MCM2: variants seen among roughly 807,000 people sequenced by gnomAD.
MCM2 encodes the protein minichromosome maintenance complex component 2.
A neutral mutation model predicts 86.4 loss-of-function variants in MCM2; 49 were observed. The observed-to-expected ratio is 0.57, with a 90% CI of 0.45 to 0.72. The LOEUF (loss-of-function observed/expected upper bound fraction) is 0.72, where lower values mean the gene tolerates loss of function less well. Among genes scored for constraint, MCM2 ranks in the 30% least tolerant of loss-of-function variants. MCM2 has a pLI of 0.00. For missense variants in MCM2, 1,038 were observed against 1,259.9 expected (o/e 0.82, Z 2.67); for synonymous variants, 475 against 484.6 (o/e 0.98, Z 0.26).
In MCM2 at chr3:127,599,430, C is replaced by G. The variant is rs1378187591; in HGVS notation, c.119C>G (p.Ser40Cys). Residue 40 changes from serine (S) to cysteine (C), a missense_variant, in exon 2 of 16, where the codon TCC (serine) becomes TGC (cysteine). Physicochemically the swap from Ser to Cys is moderately radical, Grantham distance 112 (BLOSUM62 -1). Around this residue, in one of 4 missense-constraint regions of MCM2, gnomAD observed 300 missense variants for 307.4 expected, o/e 0.98. Coordinates refer to ENST00000265056, the MANE Select transcript of MCM2 (RefSeq NM_004526.4). The part of the protein sequence containing the change: ...RSSRRTDALT[S>C]SPGRDLPPFE... ...TCCCGGCGTACTGATGCCCTCACCT[C>G]CAGCCCTGGCCGTGACCTTCCACCA... 1 of 1,614,206 alleles carries G rather than the reference C, an allele frequency of 6.2e-7. No individual in the cohort carries two copies. Among genetic ancestry groups the G allele is most frequent in the East Asian group, 2.2e-5 (1 of 44,886 alleles).
chr3:127,619,017 C>A lies in MCM2; in HGVS notation c.2014-10C>A. 6.3e-7 allele frequency: 1 copy of A among 1,577,750 alleles called. No homozygotes were observed. The highest frequency in any genetic ancestry group is 8.6e-7 in the Non-Finnish European group (1 of 1,157,994). On this transcript the variant is annotated splice_polypyrimidine_tract_variant and intron_variant, in intron 12 of 15. Transcript: ENST00000265056. ...CACAATCAGACCCACCCTCTCATGG[C>A]TTATCTTAGGACGAGATGCTGGCCC...
chr3:127,619,566 C>T (rs1366149281), intron 13 of MCM2, among the ~76,000 whole-genome samples: 1 of 152,176 alleles, frequency 6.6e-6, no homozygotes, highest in Non-Finnish European at 1.5e-5. Context: ...GTAATCCCAG[C>T]TTCTCAGGAG....
Position 127,617,799 on chromosome 3 carries a change from G to T in MCM2, c.1901-170G>T. The T allele has an allele frequency of 1.6e-6, 1 of 611,322 alleles. No homozygotes were observed. The highest frequency in any genetic ancestry group is 2.9e-6 in the Non-Finnish European group (1 of 344,454). 37.9% of individuals were successfully genotyped at this position (611,322 alleles called of 1,614,324 possible). ...TTCTGTCTAAATTAGGCTATTTTGG[G>T]CCCTGGTTAGGGTAAGCTCTTTGCT... On this transcript the variant is annotated intron_variant, in intron 11 of 15. Transcript: ENST00000265056. The surrounding 1 kb of genome is among the most constrained non-coding windows in gnomAD (Gnocchi z 4.1).
Position 127,606,027 on chromosome 3 carries a change from T to TG in MCM2, c.674-88dup. On this transcript the variant is annotated intron_variant, in intron 4 of 15. Coordinates refer to ENST00000265056, the MANE Select transcript of MCM2 (RefSeq NM_004526.4). This position sits in a 1 kb window ranked among gnomAD's most constrained non-coding sequence, Gnocchi z 4.2. Reference sequence around the variant, plus strand: ...TCTAGGTCAAAATCAATGGTCGGGGTGGGTAGGCCTTGCTTCTCACACAGG... The same window carrying TG: ...TCTAGGTCAAAATCAATGGTCGGGGTGGGGTAGGCCTTGCTTCTCACACAGG... 1.1e-6 allele frequency: 1 copy of TG among 907,866 alleles called. No homozygotes were observed. Among genetic ancestry groups the TG allele is most frequent in the Admixed American group, 2.0e-5 (1 of 50,354 alleles). The allele number at this position is 907,866 out of a possible 1,614,324, so 56.2% of individuals were successfully genotyped here. A position where few individuals can be genotyped will look rare whatever the true frequency, so the allele number is the denominator to read the frequency against.
intron 8 of MCM2, among the ~76,000 whole-genome samples, chr3:127,610,432 G>A (rs557912066): frequency 1.3e-5 from 2 of 152,286 alleles, no homozygotes; most frequent in African/African-American, 4.8e-5. Flanking sequence ...ATTTGTTTTG[G>A]TTGTTTCTCT....
In MCM2 at chr3:127,621,211, A is replaced by C; in HGVS notation, c.2587A>C (p.Lys863Gln). ...GCAGGACACTATTGAGGTCCCTGAG[A>C]AGGACTTGGTGGATAAGGTATGGGC... ...AQQDTIEVPE[K>Q]DLVDKARQIN... Residue 863 changes from lysine (K) to glutamine (Q), a missense_variant, in exon 15 of 16, where the codon AAG (lysine) becomes CAG (glutamine). Transcript: ENST00000265056. 6.2e-7 allele frequency: 1 copy of C among 1,614,148 alleles called. No individual in the cohort carries two copies. Among genetic ancestry groups the C allele is most frequent in the Non-Finnish European group, 8.5e-7 (1 of 1,180,026 alleles).
intron 2 of MCM2, among the ~76,000 whole-genome samples, chr3:127,602,181 T>C (rs908587653): frequency 1.6e-3 from 242 of 151,644 alleles, no homozygotes; most frequent in Non-Finnish European, 2.6e-3. Context: ...TTTTTTTTTT[T>C]TGTATGAACC....
At chr3:127,613,308 C>T (rs1284042897) in intron 8 of MCM2, among the ~76,000 whole-genome samples, 1 of 152,208 alleles carries the variant, frequency 6.6e-6, no homozygotes, top group Admixed American at 6.5e-5. Flanking sequence ...TTGGCACATC[C>T]AGCACGAGGT....
rs200348780 is a variant in MCM2 at position 127,608,318 on chromosome 3, C to T, written c.1102-64C>T. 1,092 of 1,583,058 alleles carry T rather than the reference C, an allele frequency of 6.9e-4. 7 individuals carry two copies. Among genetic ancestry groups the T allele is most frequent in the South Asian group, 2.7e-3 (239 of 87,082 alleles). Reference sequence around the variant, plus strand: ...AATCCTGCCTGTTCTCCCTCCTGTTCGGGGGTCAAGGTTAGGTGACATAGT... The same window carrying T: ...AATCCTGCCTGTTCTCCCTCCTGTTTGGGGGTCAAGGTTAGGTGACATAGT... On this transcript the variant is annotated intron_variant, in intron 6 of 15. Coordinates refer to ENST00000265056, the MANE Select transcript of MCM2 (RefSeq NM_004526.4).
In MCM2 at chr3:127,618,334, C is replaced by G. The variant is rs920799534; in HGVS notation, c.2013+253C>G. 6.6e-6 allele frequency among the ~76,000 whole-genome samples: 1 copy of G among 152,152 alleles called. No homozygotes were observed. The highest frequency in any genetic ancestry group is 2.4e-5 in the African/African-American group (1 of 41,424). On this transcript the variant is annotated intron_variant, in intron 12 of 15. Coordinates refer to ENST00000265056, the MANE Select transcript of MCM2 (RefSeq NM_004526.4). The surrounding 1 kb of genome is among the most constrained non-coding windows in gnomAD (Gnocchi z 4.0). ...CTGTTGTCCCAACTCCTGAGCCTAC[C>G]CACCTCCCTCACTTCTGCCTCTGAC... is the stretch of plus-strand genomic sequence containing the variant.
chr3:127,598,910 C>T, intron 1 of MCM2: 1 of 338,706 alleles, frequency 3.0e-6, no homozygotes, highest in South Asian at 5.0e-5. Context: ...TTCCAGACCT[C>T]TTGTTTTGGT....
intron 8 of MCM2, among the ~76,000 whole-genome samples, chr3:127,611,197 C>A (rs2074392319): frequency 1.3e-5 from 2 of 152,234 alleles, no homozygotes; most frequent in African/African-American, 4.8e-5. Context: ...AGAATTTCAT[C>A]CAGATGTTTG....
chr3:127,618,220 C>A lies in MCM2; in HGVS notation c.2013+139C>A. ...TGTTTTCTAGTCCTGTTCCCTCGGT[C>A]TCTTCTCATGTCCAGAAGTCGCCCT... On this transcript the variant is annotated intron_variant, in intron 12 of 15. Coordinates refer to ENST00000265056, the MANE Select transcript of MCM2 (RefSeq NM_004526.4). This position sits in a 1 kb window ranked among gnomAD's most constrained non-coding sequence, Gnocchi z 4.0. The A allele has an allele frequency of 1.5e-6, 1 of 647,108 alleles. No homozygotes were observed. Among genetic ancestry groups the A allele is most frequent in the Non-Finnish European group, 2.8e-6 (1 of 356,588 alleles). The allele number at this position is 647,108 out of a possible 1,614,324, so 40.1% of individuals were successfully genotyped here.
At chr3:127,609,947 C>T (rs1416953439) in intron 8 of MCM2, among the ~76,000 whole-genome samples, 2 of 147,034 alleles carry the variant, frequency 1.4e-5, no homozygotes, top group East Asian at 2.0e-4. Context: ...TGGGTTCAAG[C>T]GATTCTTGTG....
chr3:127,617,988 GCTGA>G lies in MCM2; in HGVS notation c.1923_1926del (p.Thr642SerfsTer21). 3.1e-6 allele frequency: 5 copies of G among 1,613,902 alleles called. No individual in the cohort carries two copies. Among genetic ancestry groups the G allele is most frequent in the Non-Finnish European group, 4.2e-6 (5 of 1,179,928 alleles). On this transcript the variant is annotated frameshift_variant, in exon 12 of 16. Coordinates refer to ENST00000265056, the MANE Select transcript of MCM2 (RefSeq NM_004526.4). LOFTEE classifies it high-confidence loss of function. This position sits in a 1 kb window ranked among gnomAD's most constrained non-coding sequence, Gnocchi z 4.1. ...TTTCAGGAGGGCGCTACGACCCCTCGCTGACTTTCTCTGAGAACGTGGACCTCAC... is the reference window on the plus strand; with the variant it reads ...TTTCAGGAGGGCGCTACGACCCCTCGCTTTCTCTGAGAACGTGGACCTCAC...
In MCM2 at chr3:127,606,818, G is replaced by T; in HGVS notation, c.1101+1G>T. On this transcript the variant is annotated splice_donor_variant, in intron 6 of 15. Coordinates refer to ENST00000265056, the MANE Select transcript of MCM2 (RefSeq NM_004526.4). LOFTEE classifies it high-confidence loss of function. The surrounding 1 kb of genome is among the most constrained non-coding windows in gnomAD (Gnocchi z 4.2). Reference sequence around the variant, plus strand: ...CCCCTTTGAGGTCAACATGGAGGAGGTGAGAGAGGACACAAGGTCTGCTGC... The same window carrying T: ...CCCCTTTGAGGTCAACATGGAGGAGTTGAGAGAGGACACAAGGTCTGCTGC... 6.2e-7 allele frequency: 1 copy of T among 1,614,176 alleles called. No homozygotes were observed. Among genetic ancestry groups the T allele is most frequent in the Non-Finnish European group, 8.5e-7 (1 of 1,180,004 alleles).
At position 127,619,211 on chromosome 3, in the gene MCM2, C is replaced by T. The variant is rs374686602; in HGVS notation, c.2198C>T (p.Pro733Leu). 32 of 1,614,022 alleles carry T rather than the reference C, an allele frequency of 2.0e-5. No individual in the cohort carries two copies. Among genetic ancestry groups the T allele is most frequent in the Non-Finnish European group, 2.5e-5 (30 of 1,180,036 alleles). The part of the protein sequence containing the change: ...YIIYAKERVH[P>L]KLNQMDQDKV... The stretch of plus-strand genomic sequence containing the variant: ...ATCTACGCCAAGGAGAGGGTCCACC[C>T]GAAGCTCAACCAGATGGACCAGGAC... The change falls in exon 13 of 16, where the codon CCG becomes CTG. Residue 733 changes from proline to leucine, a missense_variant. Coordinates refer to ENST00000265056, the MANE Select transcript of MCM2 (RefSeq NM_004526.4).
At chr3:127,612,545 G>T (rs1333200292) in intron 8 of MCM2, among the ~76,000 whole-genome samples, 2 of 152,222 alleles carry the variant, frequency 1.3e-5, no homozygotes, top group East Asian at 3.8e-4. Context: ...TAAACTATTT[G>T]TACAAAAACT....
Position 127,617,513 on chromosome 3 carries a change from T to G in MCM2, c.1900+108T>G. ...CCAGGAGCCGATCTGAGGAAGTCAT[T>G]GTGCAGCAGAGGGTTCCCCTCTTCT... On this transcript the variant is annotated intron_variant, in intron 11 of 15. Transcript: ENST00000265056. The surrounding 1 kb of genome is among the most constrained non-coding windows in gnomAD (Gnocchi z 4.1). 7.3e-7 allele frequency: 1 copy of G among 1,375,218 alleles called. No individual in the cohort carries two copies. The allele number at this position is 1,375,218 out of a possible 1,614,324, so 85.2% of individuals were successfully genotyped here.
Sources: allele counts gnomAD v4.1 joint callset (sites outside exome capture counted in the v4.1 genomes callset), GRCh38; gene constraint gnomAD v4.1.1; regional missense constraint gnomAD v4.1.1; non-coding constraint Gnocchi (gnomAD v3.1); transcripts MANE v1.5; gene names NCBI Gene and HGNC (gene_info 2026-07-23, HGNC 2026-07-21).